Variants in COQ3 observed in about 807,000 individuals in gnomAD.
The protein encoded by COQ3 is ubiquinone biosynthesis O-methyltransferase, mitochondrial.
A neutral mutation model predicts 33.1 loss-of-function variants in COQ3; 29 were observed. The ratio of observed to expected loss-of-function variants is 0.88; its 90% confidence interval spans 0.65 to 1.19. The LOEUF (loss-of-function observed/expected upper bound fraction) is 1.19. COQ3 is among the 50% of genes most tolerant of loss of function. The pLI is 0.00. For synonymous variants in COQ3, 173 were observed against 157.8 expected (o/e 1.10, Z -0.72); for missense variants, 437 against 430.7 (o/e 1.01, Z -0.13).
intron 5 of COQ3, among the ~76,000 whole-genome samples, chr6:99,373,965 C>A (rs533927607): frequency 6.6e-6 from 1 of 151,918 alleles, no homozygotes. Flanking sequence ...CGTGATCTTG[C>A]CAGTACACTC....
At chr6:99,393,727 G>A (rs777158802) in intron 1 of COQ3, among the ~76,000 whole-genome samples, 1 of 152,118 alleles carries the variant, frequency 6.6e-6, no homozygotes, top group Non-Finnish European at 1.5e-5. Context: ...ATAACTACGA[G>A]GCGTGAGTTA....
rs1288572284 is a variant in COQ3, at chr6:99,371,587, G to A, written c.730C>T (p.Pro244Ser). The change falls in exon 6 of 7, where the codon CCC becomes TCC. Residue 244 changes from proline to serine, a missense_variant and splice_region_variant. Transcript: ENST00000254759. ...GTAGTAATGAATAAAGAACCACCGG[G>A]CTAAAAGAAATGAAATTATATAGAA... The part of the protein sequence containing the change: ...FLQCCCQVLK[P>S]GGSLFITTIN... 3 of 1,581,500 alleles carry A rather than the reference G, an allele frequency of 1.9e-6. No homozygotes were observed. In the African/African-American group the frequency reaches 4.1e-5, roughly 22 times the overall value.
At chr6:99,384,579 C>G (rs569902579) in intron 1 of COQ3, among the ~76,000 whole-genome samples, 22 of 152,064 alleles carry the variant, frequency 1.4e-4, no homozygotes, top group Admixed American at 2.6e-4. Flanking sequence ...ATACCCTTTA[C>G]AGAGGAAAAA....
At chr6:99,379,814 C>T (rs1485489126) in intron 3 of COQ3, among the ~76,000 whole-genome samples, 1 of 151,368 alleles carries the variant, frequency 6.6e-6, no homozygotes, top group Non-Finnish European at 1.5e-5. Context: ...AAGACGGTGA[C>T]ATTGCACTCC....
At chr6:99,377,691 C>G (rs1224239680) in intron 3 of COQ3, among the ~76,000 whole-genome samples, 1 of 151,670 alleles carries the variant, frequency 6.6e-6, no homozygotes, top group Non-Finnish European at 1.5e-5. Context: ...CTGAAATAAT[C>G]TAGTAGTAAT....
At chr6:99,374,978 ATTTC>A (rs1463527689) in intron 5 of COQ3, among the ~76,000 whole-genome samples, 2 of 150,324 alleles carry the variant, frequency 1.3e-5, no homozygotes, top group African/African-American at 2.4e-5. Flanking sequence ...ATCCAAATCA[ATTTC>A]TTTCTTTTTT....
chr6:99,392,484 C>T (rs1157339170), intron 1 of COQ3, among the ~76,000 whole-genome samples: 2 of 152,124 alleles, frequency 1.3e-5, no homozygotes, highest in Admixed American at 6.6e-5. Flanking sequence ...TGTGTCATGG[C>T]CAAAAAGGCC....
chr6:99,370,963 GA>G (rs549010268), intron 6 of COQ3, among the ~76,000 whole-genome samples: 4 of 151,864 alleles, frequency 2.6e-5, no homozygotes, highest in Non-Finnish European at 5.9e-5. Context: ...ATAAAAGGAT[GA>G]AAAAAACCAC....
intron 1 of COQ3, among the ~76,000 whole-genome samples, chr6:99,384,336 A>C (rs191119424): frequency 1.3e-5 from 2 of 152,362 alleles, no homozygotes; most frequent in African/African-American, 2.4e-5. Context: ...TCTAACCCAG[A>C]CATTTCTAAA....
chr6:99,377,255 C>T, intron 4 of COQ3, 131 bp downstream of exon 4: 2 of 730,738 alleles, frequency 2.7e-6, no homozygotes. Flanking sequence ...GGTGATCCAC[C>T]CACCCTGGCC....
Position 99,369,513 on chromosome 6 carries a change from G to T in COQ3, c.*87C>A. ...TTTTTATTGACCTTCTTTTCTTCATGATTCTCTCTCAAAGGATAAATTGTA... is the reference window on the plus strand; with the variant it reads ...TTTTTATTGACCTTCTTTTCTTCATTATTCTCTCTCAAAGGATAAATTGTA... On this transcript the variant is annotated 3_prime_UTR_variant, in exon 7 of 7. Coordinates refer to ENST00000254759, the MANE Select transcript of COQ3 (RefSeq NM_017421.4). 2 of 1,086,402 alleles carry T rather than the reference G, an allele frequency of 1.8e-6. No homozygotes were observed. Among genetic ancestry groups the T allele is most frequent in the South Asian group, 1.5e-5 (1 of 64,672 alleles). 67.3% of individuals were successfully genotyped at this position (1,086,402 alleles called of 1,614,324 possible).
At chr6:99,388,891 GCACACACACA>G (rs59478225) in intron 1 of COQ3, among the ~76,000 whole-genome samples, 4,170 of 106,258 alleles carry the variant, frequency 0.039, 104 homozygotes, top group Non-Finnish European at 0.054. Flanking sequence ...ATGTATACAC[GCACACACACA>G]CACACACACA....
At chr6:99,382,479 T>C (rs1774501258) in intron 2 of COQ3, among the ~76,000 whole-genome samples, 1 of 152,232 alleles carries the variant, frequency 6.6e-6, no homozygotes, top group South Asian at 2.1e-4. Flanking sequence ...GTCATTCCTC[T>C]TTAATATTAA....
intron 5 of COQ3, among the ~76,000 whole-genome samples, chr6:99,373,762 C>T (rs9402707): frequency 0.24 from 36,910 of 152,026 alleles, 5,136 homozygotes; most frequent in Middle Eastern, 0.38. Flanking sequence ...GAGGCTGAAG[C>T]GGCAGGATCC....
At chr6:99,388,926 CACACACA>C (rs755578980) in intron 1 of COQ3, among the ~76,000 whole-genome samples, 1,306 of 121,468 alleles carry the variant, frequency 0.011, 14 homozygotes, top group South Asian at 0.02. Context: ...CACACACACA[CACACACA>C]CCCACATCCT....
chr6:99,388,893 A>G (rs58936898), intron 1 of COQ3, among the ~76,000 whole-genome samples: 397 of 6,752 alleles, frequency 0.059, 6 homozygotes, highest in Admixed American at 0.15. Flanking sequence ...GTATACACGC[A>G]CACACACACA....
chr6:99,369,695 G>C lies in COQ3; in HGVS notation c.1015C>G (p.Pro339Ala). ...TTTAAAACAAACTCAGCAGAGGCTG[G>C]GTGTTCCTGGACCCTGGATTTCACA... ...YAVKSRVQEH[P>A]ASAEFVLKGE... The change falls in exon 7 of 7, where the codon CCA becomes GCA. Residue 339 changes from proline to alanine, a missense_variant. Transcript: ENST00000254759. 6.2e-7 allele frequency: 1 copy of C among 1,613,878 alleles called. No homozygotes were observed. Among genetic ancestry groups the C allele is most frequent in the Non-Finnish European group, 8.5e-7 (1 of 1,179,872 alleles).
rs1179812444 is a variant in COQ3, at chr6:99,381,939, AAAAG to A, written c.234-1602_234-1599del. 2.6e-5 allele frequency among the ~76,000 whole-genome samples: 4 copies of A among 151,852 alleles called. No homozygotes were observed. In the East Asian group the frequency reaches 7.8e-4, roughly 29 times the overall value. ...AGACTCTGTCTCAAAAAAAAAAAAA[AAAAG>A]AATCTTCCTTGATCCTCAAAACTGG... is the stretch of plus-strand genomic sequence containing the variant. On this transcript the variant is annotated intron_variant, in intron 2 of 6. Coordinates refer to ENST00000254759, the MANE Select transcript of COQ3 (RefSeq NM_017421.4).
In COQ3 at chr6:99,369,797, C is replaced by T. The variant is rs1582710853; in HGVS notation, c.913G>A (p.Val305Ile). 1 of 1,609,176 alleles carries T rather than the reference C, an allele frequency of 6.2e-7. No individual in the cohort carries two copies. The highest frequency in any genetic ancestry group is 8.5e-7 in the Non-Finnish European group (1 of 1,177,020). Residue 305 changes from valine (V) to isoleucine (I), a missense_variant, in exon 7 of 7, where the codon GTA (valine) becomes ATA (isoleucine). Transcript: ENST00000254759. ...ESNGLSVQTV[V>I]GMLYNPFSGY... ...GAGAAGGGGTTATAGAGCATTCCTA[C>T]CACTGTTTGAACTGACAGACCATCT...
Sources: allele counts gnomAD v4.1 joint callset (sites outside exome capture counted in the v4.1 genomes callset), GRCh38; gene constraint gnomAD v4.1.1; transcripts MANE v1.5; gene names NCBI Gene and HGNC (gene_info 2026-07-23, HGNC 2026-07-21).